The following CSGALNACT1 variants were observed in gnomAD, a reference collection of about 807,000 sequenced individuals.
CSGALNACT1 encodes the protein chondroitin sulfate N-acetylgalactosaminyltransferase 1.
CSGALNACT1 carries 52 observed loss-of-function variants against 51.0 expected under a neutral mutation model. The ratio of observed to expected loss-of-function variants is 1.02; its 90% CI spans 0.82 to 1.29. The LOEUF is 1.29. Ranked by LOEUF, CSGALNACT1 falls within the 50% of genes most tolerant of loss-of-function variation. CSGALNACT1 has a pLI of 0.00. For synonymous variants in CSGALNACT1, 341 were observed against 254.4 expected, an observed-to-expected ratio of 1.34 and a Z score of -3.24; for missense variants, 935 against 679.2, an observed-to-expected ratio of 1.38 and a Z score of -4.19.
intron 5 of CSGALNACT1, among the ~76,000 whole-genome samples, chr8:19,440,325 A>G (rs1301991673): frequency 6.6e-6 from 1 of 152,118 alleles, no homozygotes; most frequent in Non-Finnish European, 1.5e-5. Flanking sequence ...TCAATAAAAT[A>G]CTGGCAAACC....
At chr8:19,419,940 G>A (rs2057630913) in intron 7 of CSGALNACT1, among the ~76,000 whole-genome samples, 1 of 152,182 alleles carries the variant, frequency 6.6e-6, no homozygotes, top group South Asian at 2.1e-4. Context: ...GAATGATGGG[G>A]ACAGGTTTTC....
chr8:19,650,865 C>T (rs2057740786), intron 1 of CSGALNACT1, among the ~76,000 whole-genome samples: 1 of 152,138 alleles, frequency 6.6e-6, no homozygotes, highest in Non-Finnish European at 1.5e-5. Flanking sequence ...CCTGCACTTC[C>T]AGGACTCAGG....
At chr8:19,423,616 C>A (rs932219081) in intron 6 of CSGALNACT1, among the ~76,000 whole-genome samples, 3 of 152,116 alleles carry the variant, frequency 2.0e-5, no homozygotes, top group Admixed American at 6.6e-5. Context: ...CTTAAGGTAC[C>A]TAGTGTCTGA....
At chr8:19,527,580 A>G (rs1563908160) in intron 3 of CSGALNACT1, among the ~76,000 whole-genome samples, 1 of 152,240 alleles carries the variant, frequency 6.6e-6, no homozygotes, top group Non-Finnish European at 1.5e-5. Flanking sequence ...ACTGCACTCT[A>G]GCCTGGGTGA....
chr8:19,681,255 G>T (rs1296735089), intron 1 of CSGALNACT1, among the ~76,000 whole-genome samples: 1 of 152,142 alleles, frequency 6.6e-6, no homozygotes, highest in East Asian at 1.9e-4. Context: ...AGCAAGGAAA[G>T]GAACAGAGTA....
chr8:19,557,982 C>G (rs1264352685), intron 3 of CSGALNACT1, among the ~76,000 whole-genome samples: 1 of 152,136 alleles, frequency 6.6e-6, no homozygotes, highest in African/African-American at 2.4e-5. Context: ...AAAACATAAA[C>G]AAGTAAACAA....
intron 6 of CSGALNACT1, among the ~76,000 whole-genome samples, chr8:19,427,563 C>T (rs548342530): frequency 6.6e-4 from 101 of 152,030 alleles, no homozygotes; most frequent in Non-Finnish European, 9.9e-4. Context: ...CCGAGGCGGG[C>T]GGATCACGAG....
intron 6 of CSGALNACT1, among the ~76,000 whole-genome samples, chr8:19,430,912 C>G (rs1286289906): frequency 6.6e-6 from 1 of 152,050 alleles, no homozygotes; most frequent in Admixed American, 6.6e-5. Flanking sequence ...TTATTACATT[C>G]ATTTCTATGT....
chr8:19,531,610 G>A (rs1457312633), intron 3 of CSGALNACT1, among the ~76,000 whole-genome samples: 4 of 152,192 alleles, frequency 2.6e-5, no homozygotes, highest in African/African-American at 9.7e-5. Flanking sequence ...TCAGGTGCAA[G>A]GAAAATTGAC....
intron 4 of CSGALNACT1, among the ~76,000 whole-genome samples, chr8:19,475,576 G>A (rs1029847206): frequency 6.6e-6 from 1 of 152,098 alleles, no homozygotes; most frequent in African/African-American, 2.4e-5. Flanking sequence ...CACAAACACA[G>A]ACACACCCTC....
At chr8:19,425,487 G>A (rs975239760) in intron 6 of CSGALNACT1, among the ~76,000 whole-genome samples, 1 of 152,142 alleles carries the variant, frequency 6.6e-6, no homozygotes, top group Non-Finnish European at 1.5e-5. Flanking sequence ...GATTTACTGA[G>A]CATGAGGCAA....
chr8:19,651,075 T>C (rs1316176444), intron 1 of CSGALNACT1, among the ~76,000 whole-genome samples: 1 of 152,036 alleles, frequency 6.6e-6, no homozygotes, highest in Admixed American at 6.5e-5. Context: ...TGATCAACTG[T>C]ATAGGGGTCA....
chr8:19,498,773 T>C (rs1450949908), intron 4 of CSGALNACT1, among the ~76,000 whole-genome samples: 1 of 152,224 alleles, frequency 6.6e-6, no homozygotes, highest in African/African-American at 2.4e-5. Context: ...CATAACATAT[T>C]CTTAATAGGA....
intron 6 of CSGALNACT1, among the ~76,000 whole-genome samples, chr8:19,435,344 T>A (rs1458274810): frequency 6.6e-6 from 1 of 152,020 alleles, no homozygotes; most frequent in African/African-American, 2.4e-5. Context: ...AATACAAGAA[T>A]TCGCTGGGTG....
intron 4 of CSGALNACT1, among the ~76,000 whole-genome samples, chr8:19,480,926 C>G (rs2071203001): frequency 6.6e-6 from 1 of 152,138 alleles, no homozygotes; most frequent in African/African-American, 2.4e-5. Context: ...GACTCATTCC[C>G]CTCTTGTGCC....
chr8:19,449,128 G>A (rs1216061743), intron 5 of CSGALNACT1, among the ~76,000 whole-genome samples: 3 of 152,200 alleles, frequency 2.0e-5, no homozygotes, highest in Middle Eastern at 3.4e-3. Context: ...TTTCCTGACT[G>A]TCCATTTCAA....
chr8:19,523,673 C>T (rs1351441163), intron 3 of CSGALNACT1, among the ~76,000 whole-genome samples: 3 of 152,126 alleles, frequency 2.0e-5, no homozygotes, highest in East Asian at 1.9e-4. Flanking sequence ...ATTGTATTCA[C>T]GTAATCATCA....
intron 3 of CSGALNACT1, among the ~76,000 whole-genome samples, chr8:19,558,448 G>A (rs1223951952): frequency 6.6e-6 from 1 of 152,124 alleles, no homozygotes; most frequent in Non-Finnish European, 1.5e-5. Context: ...CTATAGTTGA[G>A]AAAGTTATAC....
intron 4 of CSGALNACT1, among the ~76,000 whole-genome samples, chr8:19,502,343 T>C (rs1430703553): frequency 6.6e-6 from 1 of 152,202 alleles, no homozygotes; most frequent in Non-Finnish European, 1.5e-5. Flanking sequence ...CTCTTGTTGG[T>C]GGATTAGGAA....
Sources: allele counts gnomAD v4.1 joint callset (sites outside exome capture counted in the v4.1 genomes callset), GRCh38; gene constraint gnomAD v4.1.1; transcripts MANE v1.5; gene names NCBI Gene and HGNC (gene_info 2026-07-23, HGNC 2026-07-21).